Variants in SDK1 observed in about 807,000 individuals in gnomAD.
SDK1 encodes the protein sidekick cell adhesion molecule 1, also known as protein sidekick-1.
A neutral mutation model predicts 245.5 loss-of-function variants in SDK1; 157 were observed. The ratio of observed to expected loss-of-function variants is 0.64; its 90% CI spans 0.56 to 0.73. The LOEUF (loss-of-function observed/expected upper bound fraction) is 0.73, where lower values mean the gene tolerates loss of function less well. SDK1 is among the 30% of genes least tolerant of loss of function. The pLI is 0.00. For synonymous variants in SDK1, 1,647 were observed against 1,278.5 expected (o/e 1.29, Z -6.15); for missense variants, 3,583 against 3,002.3 (o/e 1.19, Z -4.52).
chr7:4,242,258 C>T (rs951417186), intron 43 of SDK1, among the ~76,000 whole-genome samples: 2 of 152,164 alleles, frequency 1.3e-5, no homozygotes, highest in Admixed American at 6.5e-5. Context: ...GGAGGTGTCA[C>T]CTGGGCTGCC....
intron 1 of SDK1, among the ~76,000 whole-genome samples, chr7:3,304,821 A>G (rs943450746): frequency 6.6e-6 from 1 of 152,178 alleles, no homozygotes; most frequent in Non-Finnish European, 1.5e-5. Flanking sequence ...TTGGTTGCAC[A>G]TTGGAATCAC....
chr7:3,632,828 G>C (rs1400595649), intron 2 of SDK1, among the ~76,000 whole-genome samples: 2 of 152,064 alleles, frequency 1.3e-5, no homozygotes, highest in Admixed American at 6.6e-5. Context: ...ACAAATTTCA[G>C]TTTGAATTGT....
At chr7:4,132,190 A>T in intron 27 of SDK1, 135 bp from the exon 28 acceptor site, 1 of 634,882 alleles carries the variant, frequency 1.6e-6, no homozygotes, top group Non-Finnish European at 2.8e-6. Context: ...CCAAAACTTT[A>T]GGGGGTTCTA....
At chr7:3,546,745 G>T (rs980399039) in intron 1 of SDK1, among the ~76,000 whole-genome samples, 1 of 152,190 alleles carries the variant, frequency 6.6e-6, no homozygotes, top group Non-Finnish European at 1.5e-5. Context: ...CTTATTGCAC[G>T]GGTAGCGTCC....
intron 35 of SDK1, among the ~76,000 whole-genome samples, chr7:4,203,451 T>G (rs7787800): frequency 1.3e-5 from 2 of 151,770 alleles, no homozygotes; most frequent in African/African-American, 4.8e-5. Flanking sequence ...AAATGCCAGT[T>G]GCAGGCAATC....
chr7:3,722,770 G>A (rs774655727), intron 4 of SDK1, among the ~76,000 whole-genome samples: 5 of 152,186 alleles, frequency 3.3e-5, no homozygotes, highest in Non-Finnish European at 7.3e-5. Context: ...GCTCAGCACC[G>A]CCCTCTGTCT....
At chr7:3,403,869 A>ATAT (rs1554266408) in intron 1 of SDK1, among the ~76,000 whole-genome samples, 2 of 88,902 alleles carry the variant, frequency 2.2e-5, no homozygotes, top group Admixed American at 1.2e-4. Flanking sequence ...ATATATATAT[A>ATAT]ATATATATAT....
chr7:4,041,961 G>A (rs1167590308), intron 17 of SDK1, among the ~76,000 whole-genome samples: 2 of 134,706 alleles, frequency 1.5e-5, no homozygotes, highest in Non-Finnish European at 1.5e-5. Context: ...CTACAGGCCC[G>A]CGCCACCACG....
rs1051405323 is a variant in SDK1, at chr7:4,237,904, G to C, written c.6130+120G>C. Reference sequence around the variant, plus strand: ...TTTTCCATTTCATTTGCTTGTAGGTGCTGAGAGAAATGCAATAGGTTTTCT... The same window carrying C: ...TTTTCCATTTCATTTGCTTGTAGGTCCTGAGAGAAATGCAATAGGTTTTCT... On this transcript the variant is annotated intron_variant, in intron 42 of 44. Coordinates refer to ENST00000404826, the MANE Select transcript of SDK1 (RefSeq NM_152744.4). 1.1e-5 allele frequency: 14 copies of C among 1,230,106 alleles called. No individual in the cohort carries two copies. In the African/African-American group the frequency reaches 2.0e-4, roughly 17 times the overall value. The allele number at this position is 1,230,106 out of a possible 1,614,324, so 76.2% of individuals were successfully genotyped here.
At chr7:3,398,279 CTGT>C (rs1411876124) in intron 1 of SDK1, among the ~76,000 whole-genome samples, 1 of 152,086 alleles carries the variant, frequency 6.6e-6, no homozygotes, top group Middle Eastern at 3.2e-3. Flanking sequence ...TTGTAATCCA[CTGT>C]TGTTCTATTA....
intron 4 of SDK1, among the ~76,000 whole-genome samples, chr7:3,704,860 T>C (rs1471532020): frequency 6.6e-6 from 1 of 152,236 alleles, no homozygotes; most frequent in Admixed American, 6.5e-5. Context: ...GAGTTGATTT[T>C]TGAATAAGGT....
At chr7:3,607,992 T>C (rs114538553) in intron 1 of SDK1, among the ~76,000 whole-genome samples, 4,768 of 152,306 alleles carry the variant, frequency 0.031, 225 homozygotes, top group African/African-American at 0.1. Context: ...GAATAGACCT[T>C]TGTACTTTGT....
intron 1 of SDK1, among the ~76,000 whole-genome samples, chr7:3,482,653 C>T (rs1033451974): frequency 6.6e-6 from 1 of 152,144 alleles, no homozygotes; most frequent in African/African-American, 2.4e-5. Context: ...CTGGGGAGGT[C>T]CAAAACAACC....
intron 26 of SDK1, 53 bp from the exon 27 acceptor site, chr7:4,129,855 G>T (rs1784676298): frequency 1.2e-6 from 2 of 1,604,942 alleles, no homozygotes; most frequent in Admixed American, 3.4e-5. Flanking sequence ...TGCCACGGCG[G>T]TCCCTCCTGG....
At chr7:3,384,902 G>A (rs1249999323) in intron 1 of SDK1, among the ~76,000 whole-genome samples, 1 of 152,178 alleles carries the variant, frequency 6.6e-6, no homozygotes, top group Admixed American at 6.5e-5. Flanking sequence ...TAATTGTTGA[G>A]TAAATGGATG....
Position 4,077,138 on chromosome 7 carries a change from G to A in SDK1, c.3151G>A (p.Val1051Met), listed in dbSNP as rs182031589. 1.3e-5 allele frequency: 21 copies of A among 1,614,210 alleles called. No homozygotes were observed. Among genetic ancestry groups the A allele is most frequent in the South Asian group, 9.9e-5 (9 of 91,080 alleles). ...YTIDVAAVTA[V>M]GTGLVTSSTI... ...CATCGACGTGGCCGCTGTGACTGCC[G>A]TGGGCACTGGCCTGGTGACTTCATC... The change falls in exon 21 of 45, where the codon GTG (valine) becomes ATG (methionine). Residue 1051 changes from valine (V) to methionine (M), a missense_variant. Physicochemically the swap from Val to Met is conservative, Grantham distance 21 (BLOSUM62 1). Coordinates refer to ENST00000404826, the MANE Select transcript of SDK1 (RefSeq NM_152744.4).
rs145318738 is a variant in SDK1 at position 3,969,593 on chromosome 7, A to G, written c.1714+169A>G. On this transcript the variant is annotated intron_variant, in intron 11 of 44. Transcript: ENST00000404826. ...AATCTGTTGAGAAATTAAATTTTCAATGTCTAAAAGAATACCTAGAAAATG... is the reference window on the plus strand; with the variant it reads ...AATCTGTTGAGAAATTAAATTTTCAGTGTCTAAAAGAATACCTAGAAAATG... Among the ~76,000 whole-genome samples, 246 of 152,356 alleles carry G rather than the reference A, an allele frequency of 1.6e-3. 3 individuals are homozygous for G. The highest frequency in any genetic ancestry group is 5.2e-3 in the African/African-American group (216 of 41,580).
At chr7:3,669,528 A>G (rs1305479234) in intron 4 of SDK1, among the ~76,000 whole-genome samples, 1 of 62,642 alleles carries the variant, frequency 1.6e-5, no homozygotes, top group East Asian at 4.8e-4. Context: ...ATTCAATAAC[A>G]CAACACACTC....
intron 1 of SDK1, among the ~76,000 whole-genome samples, chr7:3,546,032 A>G (rs78368467): frequency 0.024 from 3,667 of 152,356 alleles, 84 homozygotes; most frequent in Non-Finnish European, 0.038. Flanking sequence ...ATTGCTGAAA[A>G]TAATTACACA....
Sources: allele counts gnomAD v4.1 joint callset (sites outside exome capture counted in the v4.1 genomes callset), GRCh38; gene constraint gnomAD v4.1.1; transcripts MANE v1.5; gene names NCBI Gene and HGNC (gene_info 2026-07-23, HGNC 2026-07-21).